Variants in DENND2C observed in about 807,000 individuals in gnomAD.
DENND2C encodes DENN domain-containing protein 2C.
DENND2C carries 72 observed loss-of-function variants against 112.4 expected under a neutral mutation model. The ratio of observed to expected loss-of-function variants is 0.64; its 90% CI spans 0.53 to 0.78. DENND2C has a LOEUF of 0.78. DENND2C is among the 30% of genes least tolerant of loss of function. DENND2C has a pLI of 0.00. For missense variants in DENND2C, 992 were observed against 1,113.8 expected (o/e 0.89, Z 1.56); for synonymous variants, 329 against 381.6 (o/e 0.86, Z 1.61).
At chr1:114,618,566 T>A (rs1375981716) in intron 7 of DENND2C, 84 bp from the exon 8 acceptor site, 5 of 743,382 alleles carry the variant, frequency 6.7e-6, no homozygotes, top group Non-Finnish European at 1.0e-5. Context: ...TAGGGATTCT[T>A]ATTCAGAGAA....
intron 7 of DENND2C, 70 bp from the exon 8 acceptor site, chr1:114,618,552 C>A: frequency 1.1e-6 from 1 of 876,246 alleles, no homozygotes; most frequent in Non-Finnish European, 1.7e-6. Context: ...TGACATTAAT[C>A]TATTAGGGAT....
rs12136548 is a variant in DENND2C, at chr1:114,625,476, T to C, written c.509A>G (p.Asp170Gly). The C allele has an allele frequency of 0.27, 434,091 of 1,613,870 alleles. 63,261 individuals carry two copies. Among genetic ancestry groups the C allele is most frequent in the Non-Finnish European group, 0.31 (361,843 of 1,179,926 alleles). ...GAAGTTCAGTTCTTTTTCTGAAGAG[T>C]CACAATGTTCTAAAGCCAAATTTAA... The part of the protein sequence containing the change: ...KLLNLALEHC[D>G]SSEKELNFRV... The change falls in exon 4 of 21, where the codon GAC becomes GGC. Residue 170 changes from aspartate to glycine, a missense_variant. By Grantham distance (94) the Asp-to-Gly change is moderately conservative. Transcript: ENST00000393274.
At chr1:114,661,190 G>A (rs564103414) in intron 1 of DENND2C, among the ~76,000 whole-genome samples, 12 of 150,962 alleles carry the variant, frequency 7.9e-5, no homozygotes, top group African/African-American at 2.9e-4. Context: ...CAATATCAGC[G>A]ACCCCATCGA....
rs572464125 is a variant in DENND2C, at chr1:114,632,223, G to C, written c.-204-6035C>G. On this transcript the variant is annotated intron_variant, in intron 3 of 20. Coordinates refer to ENST00000393274, the MANE Select transcript of DENND2C (RefSeq NM_001256404.2). ...CTGGAGTCGCAGAAATGAAGGGGTC[G>C]GGAGTGGGGACAAATATTTCAAGTA... Among the ~76,000 whole-genome samples the C allele has an allele frequency of 3.9e-5, 6 of 152,192 alleles. No individual in the cohort carries two copies. The East Asian group carries it at 7.7e-4, about 20-fold the overall frequency.
intron 5 of DENND2C, among the ~76,000 whole-genome samples, 189 bp from the exon 6 acceptor site, chr1:114,623,288 T>C (rs1656217355): frequency 1.3e-5 from 2 of 152,128 alleles, no homozygotes; most frequent in South Asian, 4.1e-4. Flanking sequence ...ATTCTCAAAA[T>C]AATATATTAT....
intron 1 of DENND2C, among the ~76,000 whole-genome samples, chr1:114,655,943 T>C (rs1012264941): frequency 6.6e-6 from 1 of 150,510 alleles, no homozygotes; most frequent in African/African-American, 2.4e-5. Flanking sequence ...AGTCGGTTTT[T>C]CTTCGTTTCT....
rs150420094 is a variant in DENND2C, at chr1:114,623,554, G to A, written c.896C>T (p.Ala299Val). The change falls in exon 5 of 21, where the codon GCA becomes GTA. Residue 299 changes from alanine to valine, a missense_variant. Around this residue, in one of 3 missense-constraint regions of DENND2C, gnomAD observed 470 missense variants for 472.7 expected, o/e 0.99. Coordinates refer to ENST00000393274, the MANE Select transcript of DENND2C (RefSeq NM_001256404.2). ...GTCCTCAGACTGTGTGTAATAAAGT[G>A]CTGACCCAGAATTTCTTCCAAGTTC... is the stretch of plus-strand genomic sequence containing the variant. Reference protein sequence around the residue: ...REELGRNSGSALYYTQSEDNI... With the variant: ...REELGRNSGSVLYYTQSEDNI... 1.3e-5 allele frequency: 21 copies of A among 1,610,494 alleles called. No homozygotes were observed. The highest frequency in any genetic ancestry group is 1.5e-5 in the Non-Finnish European group (18 of 1,178,402).
chr1:114,655,878 G>A (rs114375359), intron 1 of DENND2C, among the ~76,000 whole-genome samples: 19 of 19,930 alleles, frequency 9.5e-4, no homozygotes, highest in South Asian at 5.2e-3. Context: ...ATATATATAT[G>A]TATAAATATA....
In DENND2C at chr1:114,625,341, C is replaced by T; in HGVS notation, c.644G>A (p.Arg215Lys). The change falls in exon 4 of 21, where the codon AGG becomes AAG. Residue 215 changes from arginine (R) to lysine (K), a missense_variant. Transcript: ENST00000393274. The part of the protein sequence containing the change: ...PSINPLPKPR[R>K]TFRYLSESGV... ...AGATTCGGATAAATATCTGAATGTC[C>T]TACGAGGTTTTGGCAAAGGATTTAT... 1.2e-6 allele frequency: 2 copies of T among 1,614,112 alleles called. No homozygotes were observed. Among genetic ancestry groups the T allele is most frequent in the Non-Finnish European group, 1.7e-6 (2 of 1,180,010 alleles).
intron 1 of DENND2C, among the ~76,000 whole-genome samples, chr1:114,657,029 GCCTGAGCCACCGCA>G (rs201073204): frequency 0.014 from 2,110 of 152,312 alleles, 17 homozygotes; most frequent in Non-Finnish European, 0.02. Flanking sequence ...GGGATTACAG[GCCTGAGCCACCGCA>G]CCTGGCCAAG....
intron 3 of DENND2C, among the ~76,000 whole-genome samples, chr1:114,632,379 G>C (rs1364985133): frequency 6.6e-6 from 1 of 151,944 alleles, no homozygotes; most frequent in Non-Finnish European, 1.5e-5. Flanking sequence ...CTAAAAACCA[G>C]TGATAAGGAG....
intron 18 of DENND2C, among the ~76,000 whole-genome samples, chr1:114,590,743 C>T: frequency 7.1e-6 from 1 of 141,552 alleles, no homozygotes; most frequent in Non-Finnish European, 1.5e-5. Flanking sequence ...TGCGCCACTG[C>T]ACTCCAGCCT....
intron 14 of DENND2C, 33 bp downstream of exon 14, chr1:114,600,787 G>T: frequency 6.3e-7 from 1 of 1,597,248 alleles, no homozygotes; most frequent in Non-Finnish European, 8.5e-7. Flanking sequence ...GCTTTTTAGT[G>T]CTATCAAATC....
At chr1:114,635,683 A>G (rs1006655338) in intron 3 of DENND2C, among the ~76,000 whole-genome samples, 1 of 152,218 alleles carries the variant, frequency 6.6e-6, no homozygotes, top group East Asian at 1.9e-4. Context: ...AATATAACTC[A>G]TGAACATAAA....
rs1164432447 is a variant in DENND2C at position 114,625,876 on chromosome 1, T to G, written c.109A>C (p.Asn37His). ...QWEGRANGIS[N>H]PEKWCPKDFG... ...TCCTTTGGACACCACTTTTCTGGAT[T>G]AGATATACCATTAGCCCTTCCTTCC... is the stretch of plus-strand genomic sequence containing the variant. The change falls in exon 4 of 21, where the codon AAT becomes CAT. Residue 37 changes from asparagine (N) to histidine (H), a missense_variant. Around this residue, in one of 3 missense-constraint regions of DENND2C, gnomAD observed 470 missense variants for 472.7 expected, o/e 0.99. Transcript: ENST00000393274. 6.2e-6 allele frequency: 10 copies of G among 1,614,154 alleles called. No individual in the cohort carries two copies. The highest frequency in any genetic ancestry group is 8.5e-6 in the Non-Finnish European group (10 of 1,180,016).
In DENND2C at chr1:114,583,493, A is replaced by AAAACACACACACACACAC; in HGVS notation, c.*2106_*2107insGTGTGTGTGTGTGTGTTT. On this transcript the variant is annotated 3_prime_UTR_variant, in exon 21 of 21. Transcript: ENST00000393274. ...ACTTGAATTTGCCCATGAGTTTGAA[A>AAAACACACACACACACAC]ACACACACACACACACACACACACA... 6.8e-6 allele frequency: 1 copy of AAAACACACACACACACAC among 146,008 alleles called. No individual in the cohort carries two copies. The highest frequency in any genetic ancestry group is 2.5e-5 in the African/African-American group (1 of 39,350). The allele number at this position is 146,008 out of a possible 1,614,324, so 9.0% of individuals were successfully genotyped here.
At chr1:114,667,653 C>A (rs1389815959) in intron 1 of DENND2C, among the ~76,000 whole-genome samples, 1 of 151,964 alleles carries the variant, frequency 6.6e-6, no homozygotes, top group African/African-American at 2.4e-5. Flanking sequence ...TTATTTTTTC[C>A]TCTTTCTTTC....
In DENND2C at chr1:114,625,345, G is replaced by A. The variant is rs376975763; in HGVS notation, c.640C>T (p.Arg214Cys). The change falls in exon 4 of 21, where the codon CGT becomes TGT. Residue 214 changes from arginine to cysteine, a missense_variant. Around this residue, in one of 3 missense-constraint regions of DENND2C, gnomAD observed 470 missense variants for 472.7 expected, o/e 0.99. Transcript: ENST00000393274. Reference protein sequence around the residue: ...GPSINPLPKPRRTFRYLSESG... With the variant: ...GPSINPLPKPCRTFRYLSESG... ...TCGGATAAATATCTGAATGTCCTAC[G>A]AGGTTTTGGCAAAGGATTTATGGAA... 2.9e-5 allele frequency: 46 copies of A among 1,613,960 alleles called. No homozygotes were observed. In the Middle Eastern group the frequency reaches 4.9e-4, roughly 17 times the overall value.
At chr1:114,600,498 G>T in intron 14 of DENND2C, 146 bp from the exon 15 acceptor site, 1 of 1,042,802 alleles carries the variant, frequency 9.6e-7, no homozygotes, top group Non-Finnish European at 1.4e-6. Flanking sequence ...ACTAATGCCA[G>T]GACCCAACAG....
Sources: allele counts gnomAD v4.1 joint callset (sites outside exome capture counted in the v4.1 genomes callset), GRCh38; gene constraint gnomAD v4.1.1; regional missense constraint gnomAD v4.1.1; transcripts MANE v1.5; gene names NCBI Gene and HGNC (gene_info 2026-07-23, HGNC 2026-07-21).